Variants in OPHN1 observed in about 807,000 individuals in gnomAD.
The protein encoded by OPHN1 is oligophrenin-1.
A neutral mutation model predicts 60.7 loss-of-function variants in OPHN1; 11 were observed. The ratio of observed to expected loss-of-function variants is 0.18; its 90% confidence interval spans 0.11 to 0.30. The LOEUF (loss-of-function observed/expected upper bound fraction) is 0.30, where lower values mean the gene tolerates loss of function less well. OPHN1 is among the 10% of genes least tolerant of loss of function. OPHN1 has a pLI of 1.00. For missense variants in OPHN1, 449 were observed against 611.0 expected (o/e 0.73, Z 2.80); for synonymous variants, 226 against 222.6 (o/e 1.02, Z -0.14).
chrX:68,283,742 A>T (rs1357433816), intron 3 of OPHN1, among the ~76,000 whole-genome samples: 1 of 112,116 alleles, frequency 8.9e-6, no homozygotes, highest in Non-Finnish European at 1.9e-5. Flanking sequence ...TCTCTCCAGA[A>T]GCAGGAAGTA....
rs189797291 is a variant in OPHN1, at chrX:68,373,359, C to T, written c.154+59508G>A. 5.3e-5 allele frequency among the ~76,000 whole-genome samples: 6 copies of T among 112,395 alleles called. No individual in the cohort carries two copies. The South Asian group carries it at 1.5e-3, about 28-fold the overall frequency. On this transcript the variant is annotated intron_variant, in intron 2 of 24. Coordinates refer to ENST00000355520, the MANE Select transcript of OPHN1 (RefSeq NM_002547.3). ...TTCCTTCTGTAAGAGGGAGCCCCAA[C>T]ATCTTGCTTTATTCACAGTCAGGGT...
intron 2 of OPHN1, among the ~76,000 whole-genome samples, chrX:68,392,626 T>C (rs2078659138): frequency 9.1e-6 from 1 of 109,871 alleles, no homozygotes; most frequent in Non-Finnish European, 1.9e-5. Flanking sequence ...CATTGCCTTT[T>C]GGCCCACAAC....
intron 2 of OPHN1, among the ~76,000 whole-genome samples, chrX:68,402,296 AAAG>A (rs1022743396): frequency 4.6e-5 from 5 of 108,300 alleles, no homozygotes; most frequent in Non-Finnish European, 9.6e-5. Flanking sequence ...GGGAGAAAGA[AAAG>A]AAAAGAAAAG....
chrX:68,427,602 A>G (rs2078866375), intron 2 of OPHN1, among the ~76,000 whole-genome samples: 1 of 108,535 alleles, frequency 9.2e-6, no homozygotes, highest in South Asian at 4.1e-4. Context: ...TCTAGATGCC[A>G]TGTCCAGGGT....
intron 3 of OPHN1, among the ~76,000 whole-genome samples, chrX:68,294,473 CAAAAAAAAAAAAAA>C (rs570989143): frequency 9.4e-5 from 1 of 10,644 alleles, no homozygotes; most frequent in Non-Finnish European, 2.2e-4. Flanking sequence ...GACTCTATCA[CAAAAAAAAAAAAAA>C]AAAAAAAAAA....
intron 2 of OPHN1, among the ~76,000 whole-genome samples, chrX:68,348,849 G>C (rs2078391772): frequency 9.0e-6 from 1 of 111,577 alleles, no homozygotes; most frequent in Non-Finnish European, 1.9e-5. Flanking sequence ...GGAAATTCCA[G>C]GCAGAGGAAA....
chrX:68,327,896 C>A (rs2078273558), intron 2 of OPHN1, among the ~76,000 whole-genome samples: 1 of 102,219 alleles, frequency 9.8e-6, no homozygotes, highest in Non-Finnish European at 2.0e-5. Flanking sequence ...GGGGCGCAAT[C>A]TCGGCTCACT....
intron 2 of OPHN1, among the ~76,000 whole-genome samples, chrX:68,413,223 CAA>C: frequency 9.0e-6 from 1 of 111,668 alleles, no homozygotes; most frequent in Middle Eastern, 4.7e-3. Context: ...GTGAGAAGTT[CAA>C]AAAGAGGCCA....
chrX:68,281,270 A>G (rs1237614070), intron 4 of OPHN1, among the ~76,000 whole-genome samples: 2 of 112,295 alleles, frequency 1.8e-5, no homozygotes, highest in Non-Finnish European at 3.8e-5. Context: ...ACAGACCCAT[A>G]TAAATATAGT....
chrX:68,248,815 C>A (rs2077819583), intron 5 of OPHN1, among the ~76,000 whole-genome samples: 1 of 111,728 alleles, frequency 9.0e-6, no homozygotes, highest in African/African-American at 3.3e-5. Flanking sequence ...AACTGGAGAT[C>A]ATTATATTAA....
intron 2 of OPHN1, among the ~76,000 whole-genome samples, chrX:68,333,999 G>C (rs2078309801): frequency 9.3e-6 from 1 of 107,581 alleles, no homozygotes; most frequent in African/African-American, 3.4e-5. Flanking sequence ...CCGGGATCAA[G>C]CGATTCTCAT....
At chrX:68,312,129 T>A in intron 2 of OPHN1, among the ~76,000 whole-genome samples, 1 of 104,610 alleles carries the variant, frequency 9.6e-6, no homozygotes, top group African/African-American at 3.5e-5. Flanking sequence ...AGACAGGGTC[T>A]CATTCTGTTG....
At position 68,250,101 on chromosome X, in the gene OPHN1, C is replaced by T. The variant is rs753220788; in HGVS notation, c.385-15513G>A. On this transcript the variant is annotated intron_variant, in intron 5 of 24. Coordinates refer to ENST00000355520, the MANE Select transcript of OPHN1 (RefSeq NM_002547.3). ...CATGGGGTCACTGGCTCTTAATCTC[C>T]GCCCCAAGGGAAATTGCCTCATTGC... 9.5e-4 allele frequency among the ~76,000 whole-genome samples: 106 copies of T among 112,071 alleles called. 1 individual carries two copies. Among genetic ancestry groups the T allele is most frequent in the Middle Eastern group, 4.7e-3 (1 of 215 alleles).
intron 18 of OPHN1, among the ~76,000 whole-genome samples, chrX:68,110,030 T>C (rs2077097542): frequency 9.1e-6 from 1 of 110,458 alleles, no homozygotes; most frequent in South Asian, 3.9e-4. Flanking sequence ...ACATATCATA[T>C]ACCCTGTTTT....
At chrX:68,121,541 C>T (rs1478334301) in intron 15 of OPHN1, among the ~76,000 whole-genome samples, 1 of 110,939 alleles carries the variant, frequency 9.0e-6, no homozygotes, top group African/African-American at 3.3e-5. Flanking sequence ...CATCCTAGTT[C>T]TAAGCCTTGA....
chrX:68,318,161 T>C (rs1282792641), intron 2 of OPHN1, among the ~76,000 whole-genome samples: 1 of 111,553 alleles, frequency 9.0e-6, no homozygotes, highest in Non-Finnish European at 1.9e-5. Flanking sequence ...AAAAACACAA[T>C]ACCATTTACA....
intron 2 of OPHN1, among the ~76,000 whole-genome samples, chrX:68,347,575 C>A (rs2078385088): frequency 9.0e-6 from 1 of 111,211 alleles, no homozygotes; most frequent in Admixed American, 9.7e-5. Flanking sequence ...GCCTCAGCCT[C>A]CCAAAAAGGT....
At chrX:68,179,034 C>T (rs947409309) in intron 15 of OPHN1, among the ~76,000 whole-genome samples, 2 of 112,070 alleles carry the variant, frequency 1.8e-5, no homozygotes, top group African/African-American at 6.5e-5. Context: ...TCTCTAGTTC[C>T]CTTTTAGCAT....
chrX:68,115,791 T>A (rs185488009), intron 16 of OPHN1, among the ~76,000 whole-genome samples: 1 of 111,813 alleles, frequency 8.9e-6, no homozygotes, highest in Non-Finnish European at 1.9e-5. Context: ...GTGTACAATA[T>A]TTTAAGAGAT....
Sources: allele counts gnomAD v4.1 joint callset (sites outside exome capture counted in the v4.1 genomes callset), GRCh38; gene constraint gnomAD v4.1.1; transcripts MANE v1.5; gene names NCBI Gene and HGNC (gene_info 2026-07-23, HGNC 2026-07-21).